The following TRIM14 variants were observed in gnomAD, a reference collection of about 807,000 sequenced individuals.
The protein encoded by TRIM14 is tripartite motif containing 14.
Under a neutral mutation model 44.5 loss-of-function variants are expected in TRIM14, and 28 were observed. That is an observed-to-expected ratio of 0.63 (90% CI 0.47 to 0.86). The LOEUF is 0.86. TRIM14 is among the 40% of genes least tolerant of loss of function. The pLI, the probability that TRIM14 is intolerant of heterozygous loss-of-function variation, is 0.00. For synonymous variants in TRIM14, 299 were observed against 269.2 expected (o/e 1.11, Z -1.08); for missense variants, 607 against 611.1 (o/e 0.99, Z 0.07).
intron 1 of TRIM14, chr9:98,110,187 G>A (rs908167751): frequency 7.0e-6 from 4 of 568,008 alleles, no homozygotes; most frequent in Non-Finnish European, 1.3e-5. Context: ...TCCACATCAG[G>A]TATGCCTCTA....
At chr9:98,116,648 A>G (rs1402535841) in intron 1 of TRIM14, among the ~76,000 whole-genome samples, 1 of 151,890 alleles carries the variant, frequency 6.6e-6, no homozygotes, top group Non-Finnish European at 1.5e-5. Context: ...ACCAGCCTGG[A>G]CAACATGGTG....
chr9:98,091,660 T>C (rs10124238), intron 5 of TRIM14, among the ~76,000 whole-genome samples: 34,288 of 152,068 alleles, frequency 0.23, 4,132 homozygotes, highest in Admixed American at 0.28. Context: ...CAAATAATAA[T>C]AGCAGTTATT....
At chr9:98,070,097 T>C (rs541885145) in intron 6 of TRIM14, among the ~76,000 whole-genome samples, 1 of 152,294 alleles carries the variant, frequency 6.6e-6, no homozygotes, top group South Asian at 2.1e-4. Flanking sequence ...AGTTTAAAAT[T>C]AAGAAAAGAT....
chr9:98,037,546 G>T, the TRIM14 span, among the ~76,000 whole-genome samples: 2 of 152,172 alleles, frequency 1.3e-5, no homozygotes, highest in African/African-American at 2.4e-5. Flanking sequence ...GAGGAGTGGG[G>T]AGTGTGCAGG....
At chr9:98,099,871 T>A in intron 3 of TRIM14, 60 bp downstream of exon 3, 2 of 1,471,564 alleles carry the variant, frequency 1.4e-6, no homozygotes, top group African/African-American at 2.8e-5. Flanking sequence ...AATGCCACAA[T>A]ACTTGAGATG....
chr9:98,067,333 A>C (rs1829177613), downstream of TRIM14, among the ~76,000 whole-genome samples: 1 of 152,186 alleles, frequency 6.6e-6, no homozygotes, highest in Non-Finnish European at 1.5e-5. Flanking sequence ...GAACTGCCAG[A>C]CTGCTTGCCA....
intron 6 of TRIM14, among the ~76,000 whole-genome samples, chr9:98,077,658 C>T (rs1189719256): frequency 6.6e-6 from 1 of 152,194 alleles, no homozygotes; most frequent in African/African-American, 2.4e-5. Context: ...CGCAGTGGGA[C>T]ATGATCGTGT....
chr9:98,087,604 C>G lies in TRIM14; in HGVS notation c.1195G>C (p.Ala399Pro). 1 of 1,600,700 alleles carries G rather than the reference C, an allele frequency of 6.2e-7. No homozygotes were observed. The highest frequency in any genetic ancestry group is 8.5e-7 in the Non-Finnish European group (1 of 1,176,960). Reference protein sequence around the residue: ...DRLGVFLDYEAGVLAFYDVTG... With the variant: ...DRLGVFLDYEPGVLAFYDVTG... Reference sequence around the variant, plus strand: ...ACGTCGTAGAAGGCGAGGACGCCGGCCTCGTAGTCCAGGAAGACGCCGAGC... The same window carrying G: ...ACGTCGTAGAAGGCGAGGACGCCGGGCTCGTAGTCCAGGAAGACGCCGAGC... The change falls in exon 6 of 6, where the codon GCC becomes CCC. Residue 399 changes from alanine to proline, a missense_variant. Physicochemically the swap from Ala to Pro is conservative, Grantham distance 27 (BLOSUM62 -1). This residue lies in a region of TRIM14 where 356 missense variants were observed against 323.0 expected (regional missense o/e 1.10). Coordinates refer to ENST00000341469, the MANE Select transcript of TRIM14 (RefSeq NM_014788.4).
downstream of TRIM14, among the ~76,000 whole-genome samples, chr9:98,068,597 TG>T (rs1188359913): frequency 6.6e-6 from 1 of 150,748 alleles, no homozygotes; most frequent in Non-Finnish European, 1.5e-5. Flanking sequence ...GAGGGTCGCT[TG>T]AGGCCAGGAG....
At chr9:98,092,127 T>C in intron 4 of TRIM14, 126 bp from the exon 5 acceptor site, 2 of 627,464 alleles carry the variant, frequency 3.2e-6, no homozygotes, top group Admixed American at 6.4e-5. Context: ...ATTTAAGGGA[T>C]TTATGTGAAT....
intron 2 of TRIM14, among the ~76,000 whole-genome samples, chr9:98,104,966 G>A (rs1826548222): frequency 6.6e-6 from 1 of 152,080 alleles, no homozygotes; most frequent in Non-Finnish European, 1.5e-5. Flanking sequence ...CCCAGACCAC[G>A]TTAGCATGGG....
chr9:98,083,071 C>T (rs1322628234), downstream of TRIM14: 17 of 1,610,658 alleles, frequency 1.1e-5, no homozygotes, highest in Non-Finnish European at 1.4e-5. Flanking sequence ...AAGTGCCATT[C>T]TCTGAATTCT....
At chr9:98,113,983 C>T (rs1826954126) in intron 1 of TRIM14, among the ~76,000 whole-genome samples, 1 of 152,138 alleles carries the variant, frequency 6.6e-6, no homozygotes, top group Non-Finnish European at 1.5e-5. Context: ...TGAGATACTT[C>T]CCAAAATTAA....
the TRIM14 span, among the ~76,000 whole-genome samples, chr9:98,036,216 AAAAG>A: frequency 6.6e-6 from 1 of 151,148 alleles, no homozygotes; most frequent in Non-Finnish European, 1.5e-5. Context: ...GAAAAAAAGA[AAAAG>A]AAAAAGAAAA....
chr9:98,056,032 G>A, the TRIM14 span, among the ~76,000 whole-genome samples: 1 of 152,070 alleles, frequency 6.6e-6, no homozygotes, highest in Non-Finnish European at 1.5e-5. Context: ...GAGCCACCGC[G>A]CCCGCCCAGG....
chr9:98,107,846 T>C (rs1006164680), intron 2 of TRIM14, among the ~76,000 whole-genome samples: 1 of 151,908 alleles, frequency 6.6e-6, no homozygotes, highest in Non-Finnish European at 1.5e-5. Flanking sequence ...TATTTTTTTT[T>C]TAGTAGAGAT....
chr9:98,112,601 C>T (rs1370400831), intron 1 of TRIM14, among the ~76,000 whole-genome samples: 7 of 151,698 alleles, frequency 4.6e-5, no homozygotes, highest in African/African-American at 1.7e-4. Flanking sequence ...GAGTTTGAGA[C>T]CAGCCTGACC....
chr9:98,078,401 T>G, intron 6 of TRIM14: 2 of 1,565,632 alleles, frequency 1.3e-6, no homozygotes, highest in Non-Finnish European at 1.7e-6. Context: ...GGGGAAGGCG[T>G]AGTCTTTTTT....
the TRIM14 span, chr9:98,060,819 AG>A: frequency 6.2e-7 from 1 of 1,614,198 alleles, no homozygotes; most frequent in Non-Finnish European, 8.5e-7. Flanking sequence ...CAGAAGAGTG[AG>A]CTAGAATTCA....
Sources: gnomAD v4.1 joint callset for allele counts (sites outside exome capture counted in the v4.1 genomes callset) on GRCh38, gnomAD v4.1.1 for gene constraint, gnomAD v4.1.1 regional missense constraint, MANE v1.5 for transcripts, NCBI Gene and HGNC (gene_info 2026-07-23, HGNC 2026-07-21) for gene names.